The following TRDN variants were observed in gnomAD, a reference collection of about 807,000 sequenced individuals.
TRDN encodes the protein triadin.
A neutral mutation model predicts 149.7 loss-of-function variants in TRDN; 161 were observed. That is an observed-to-expected ratio of 1.08 (90% CI 0.95 to 1.23). The LOEUF is 1.23. Ranked by LOEUF, TRDN falls within the 50% of genes most tolerant of loss-of-function variation. The pLI is 0.00. For synonymous variants in TRDN, 294 were observed against 250.5 expected, an observed-to-expected ratio of 1.17 and a Z score of -1.64; for missense variants, 896 against 823.5, an observed-to-expected ratio of 1.09 and a Z score of -1.08.
rs115773202 is a variant in TRDN at position 123,530,500 on chromosome 6, G to A, written c.484+6C>T. The A allele has an allele frequency of 4.9e-6, 6 of 1,233,426 alleles. No homozygotes were observed. Among genetic ancestry groups the A allele is most frequent in the Non-Finnish European group, 6.5e-6 (6 of 923,570 alleles). The allele number at this position is 1,233,426 out of a possible 1,614,324, so 76.4% of individuals were successfully genotyped here. A position where few individuals can be genotyped will look rare whatever the true frequency, so the allele number is the denominator to read the frequency against. On this transcript the variant is annotated splice_donor_region_variant and intron_variant, in intron 5 of 40. Transcript: ENST00000334268. ...ATGAAGAATAAACATAAAATGAAAT[G>A]TTTACCTTTAGTTTGTATTTTCCTT...
chr6:123,483,075 A>G (rs1490927893), intron 9 of TRDN, among the ~76,000 whole-genome samples: 12 of 77,780 alleles, frequency 1.5e-4, no homozygotes, highest in Non-Finnish European at 3.0e-4. Flanking sequence ...ATTTATTATT[A>G]TTATTATTAT....
At chr6:123,584,236 T>C (rs1783299856) in intron 1 of TRDN, among the ~76,000 whole-genome samples, 1 of 152,024 alleles carries the variant, frequency 6.6e-6, no homozygotes, top group Non-Finnish European at 1.5e-5. Flanking sequence ...TGAGTACAGC[T>C]GAAGGAGCCG....
intron 23 of TRDN, among the ~76,000 whole-genome samples, chr6:123,318,490 C>T (rs1386772490): frequency 6.6e-6 from 1 of 152,008 alleles, no homozygotes; most frequent in Non-Finnish European, 1.5e-5. Flanking sequence ...TCCCTTCACC[C>T]GGGTCATATC....
At chr6:123,587,897 C>A (rs1485387398) in intron 1 of TRDN, among the ~76,000 whole-genome samples, 1 of 152,094 alleles carries the variant, frequency 6.6e-6, no homozygotes, top group East Asian at 1.9e-4. Flanking sequence ...AGGCCATTTT[C>A]ACTTCTTTTG....
intron 1 of TRDN, among the ~76,000 whole-genome samples, chr6:123,585,681 G>A (rs1196440207): frequency 2.0e-5 from 3 of 152,168 alleles, no homozygotes; most frequent in South Asian, 2.1e-4. Context: ...CGTACAGATG[G>A]GACGTGGCTT....
chr6:123,578,982 A>G (rs1782989833), intron 1 of TRDN, among the ~76,000 whole-genome samples: 2 of 151,998 alleles, frequency 1.3e-5, no homozygotes, highest in African/African-American at 2.4e-5. Flanking sequence ...AATGCTACTG[A>G]TTTTTGTACA....
At chr6:123,315,276 T>G (rs952069072) in intron 24 of TRDN, among the ~76,000 whole-genome samples, 1 of 151,994 alleles carries the variant, frequency 6.6e-6, no homozygotes, top group African/African-American at 2.4e-5. Flanking sequence ...ATTTGTAACT[T>G]TTGATGTAAA....
intron 1 of TRDN, among the ~76,000 whole-genome samples, chr6:123,602,760 G>A (rs1247165936): frequency 1.3e-5 from 2 of 152,054 alleles, no homozygotes; most frequent in East Asian, 1.9e-4. Context: ...CACTTATGGT[G>A]GAAAGAGCAC....
chr6:123,498,298 C>A (rs9375257), intron 8 of TRDN: 54,983 of 249,294 alleles, frequency 0.22, 7,805 homozygotes, highest in East Asian at 0.62. Flanking sequence ...TAAACAGATA[C>A]ACCTCTAAGG....
intron 12 of TRDN, among the ~76,000 whole-genome samples, chr6:123,405,684 C>T (rs1323889626): frequency 6.6e-6 from 1 of 152,122 alleles, no homozygotes; most frequent in Non-Finnish European, 1.5e-5. Flanking sequence ...TAATTCTCAT[C>T]TTTCAACCAG....
chr6:123,480,555 T>C (rs1777705131), intron 9 of TRDN, among the ~76,000 whole-genome samples: 1 of 151,990 alleles, frequency 6.6e-6, no homozygotes, highest in Admixed American at 6.6e-5. Flanking sequence ...ATGTAATAGT[T>C]TAGGTTTTAT....
chr6:123,237,797 A>G (rs1302077041), intron 38 of TRDN, among the ~76,000 whole-genome samples: 1 of 152,198 alleles, frequency 6.6e-6, no homozygotes, highest in Non-Finnish European at 1.5e-5. Context: ...GTGCCCTGAA[A>G]GTATGTCACA....
At chr6:123,343,983 A>G (rs1780160604) in intron 21 of TRDN, among the ~76,000 whole-genome samples, 1 of 152,052 alleles carries the variant, frequency 6.6e-6, no homozygotes, top group South Asian at 2.1e-4. Context: ...AAGGAACCCC[A>G]GAGAGCTCTC....
At chr6:123,378,453 AGTGTGTGTGTGT>A (rs59816098) in intron 16 of TRDN, among the ~76,000 whole-genome samples, 6,500 of 136,362 alleles carry the variant, frequency 0.048, 173 homozygotes, top group Middle Eastern at 0.067. Flanking sequence ...CCAGATTTGT[AGTGTGTGTGTGT>A]GTGTGTGTGT....
chr6:123,258,502 A>G (rs988894817), intron 35 of TRDN, among the ~76,000 whole-genome samples: 3 of 152,144 alleles, frequency 2.0e-5, no homozygotes, highest in South Asian at 2.1e-4. Context: ...ATTGTGGTGG[A>G]TAAGCTTTTT....
At chr6:123,406,293 C>G (rs1428108241) in intron 12 of TRDN, among the ~76,000 whole-genome samples, 1 of 152,098 alleles carries the variant, frequency 6.6e-6, no homozygotes, top group Non-Finnish European at 1.5e-5. Flanking sequence ...AAAGCTCACT[C>G]TACACTATTA....
chr6:123,598,767 G>A (rs915492872), intron 1 of TRDN, among the ~76,000 whole-genome samples: 1 of 151,952 alleles, frequency 6.6e-6, no homozygotes, highest in African/African-American at 2.4e-5. Flanking sequence ...TTTACTAACA[G>A]GCCCTTTACA....
chr6:123,633,694 A>G (rs1352822893), intron 1 of TRDN, among the ~76,000 whole-genome samples: 1 of 152,044 alleles, frequency 6.6e-6, no homozygotes, highest in Non-Finnish European at 1.5e-5. Context: ...ACTTTGTCCT[A>G]TTTCTAATTT....
intron 1 of TRDN, among the ~76,000 whole-genome samples, chr6:123,627,175 C>A (rs1785720810): frequency 1.3e-5 from 2 of 152,166 alleles, no homozygotes; most frequent in South Asian, 2.1e-4. Context: ...GGTGATCCAC[C>A]CACCTTGGCC....
Sources: gnomAD v4.1 joint callset for allele counts (sites outside exome capture counted in the v4.1 genomes callset) on GRCh38, gnomAD v4.1.1 for gene constraint, MANE v1.5 for transcripts, NCBI Gene and HGNC (gene_info 2026-07-23, HGNC 2026-07-21) for gene names.